The following ATP2B3 variants were observed in gnomAD, a reference collection of about 807,000 sequenced individuals.
ATP2B3 encodes plasma membrane calcium-transporting ATPase 3.
A neutral mutation model predicts 70.8 loss-of-function variants in ATP2B3; 12 were observed. That is an observed-to-expected ratio of 0.17 (90% confidence interval 0.11 to 0.27). ATP2B3 has a LOEUF of 0.27. Ranked by LOEUF, ATP2B3 falls within the 10% of genes least tolerant of loss-of-function variation. The probability of loss-of-function intolerance (pLI) is 1.00; values close to 1 mark genes in which losing one functional copy is unlikely to be tolerated. For synonymous variants in ATP2B3, 460 were observed against 497.8 expected (o/e 0.92, Z 1.01); for missense variants, 858 against 1,118.5 (o/e 0.77, Z 3.32).
intron 21 of ATP2B3, chrX:153,574,802 C>A (rs921075425): frequency 1.8e-5 from 6 of 329,373 alleles, no homozygotes; most frequent in Admixed American, 6.2e-5. Context: ...ATGGCGGGCA[C>A]CTCCACTCCA....
chrX:153,540,645 C>T (rs1409046310), intron 3 of ATP2B3, among the ~76,000 whole-genome samples: 4 of 112,962 alleles, frequency 3.5e-5, no homozygotes, highest in Non-Finnish European at 7.5e-5. Flanking sequence ...TGTCCCTGCC[C>T]CCACAGGTTG....
chrX:153,520,757 A>G (rs1461086917), intron 2 of ATP2B3, among the ~76,000 whole-genome samples: 2 of 112,173 alleles, frequency 1.8e-5, no homozygotes, highest in African/African-American at 3.2e-5. Flanking sequence ...CTGTGCTTGT[A>G]GCCATTAGTT....
At chrX:153,518,580 T>A (rs1556996918) in intron 2 of ATP2B3, among the ~76,000 whole-genome samples, 29 bp downstream of exon 2, 1 of 111,848 alleles carries the variant, frequency 8.9e-6, no homozygotes, top group African/African-American at 3.2e-5. Flanking sequence ...CCTGAGACGA[T>A]GGGCTTCTCT....
chrX:153,557,066 G>T, intron 16 of ATP2B3, 43 bp downstream of exon 16: 2 of 1,087,907 alleles, frequency 1.8e-6, no homozygotes, highest in South Asian at 4.0e-5. Context: ...GGCAGATGGG[G>T]CCTGCATCTG....
At chrX:153,560,632 T>G (rs782082105) in intron 18 of ATP2B3, 44 bp from the exon 19 acceptor site, 3 of 1,186,406 alleles carry the variant, frequency 2.5e-6, no homozygotes, top group Admixed American at 4.4e-5. Flanking sequence ...TAATGCGTCA[T>G]GCGCTGAGAT....
chrX:153,573,177 T>C (rs189544598), intron 21 of ATP2B3, among the ~76,000 whole-genome samples: 35 of 112,474 alleles, frequency 3.1e-4, no homozygotes, highest in African/African-American at 1.1e-3. Flanking sequence ...TTCCAGTTAA[T>C]CATGCTGGAA....
intron 2 of ATP2B3, among the ~76,000 whole-genome samples, chrX:153,520,935 G>C (rs1250761724): frequency 8.9e-6 from 1 of 112,734 alleles, no homozygotes; most frequent in Non-Finnish European, 1.9e-5. Context: ...TACCCACTGA[G>C]AGAAATGGAC....
chrX:153,535,050 A>G (rs140372802), intron 2 of ATP2B3, among the ~76,000 whole-genome samples: 2,784 of 112,705 alleles, frequency 0.025, 92 homozygotes, highest in African/African-American at 0.085. Flanking sequence ...ATGTGCACTG[A>G]GGCCATTTCA....
intron 10 of ATP2B3, 78 bp from the exon 11 acceptor site, chrX:153,549,409 AGAGTCACGCG>A (rs1557010300): frequency 1.7e-6 from 2 of 1,185,562 alleles, no homozygotes; most frequent in Non-Finnish European, 2.3e-6. Flanking sequence ...TGAGCAGAAC[AGAGTCACGCG>A]ATGTTTGTGT....
chrX:153,556,442 T>C, intron 15 of ATP2B3, 24 bp downstream of exon 15: 1 of 1,180,007 alleles, frequency 8.5e-7, no homozygotes, highest in Non-Finnish European at 1.1e-6. Context: ...CACACCCCTT[T>C]CCTGGGGTGG....
intron 3 of ATP2B3, 129 bp from the exon 4 acceptor site, chrX:153,541,230 C>A: frequency 1.3e-6 from 1 of 797,231 alleles, no homozygotes; most frequent in Non-Finnish European, 1.8e-6. Context: ...CAGGCGCTGG[C>A]CAGACGGCCC....
chrX:153,555,578 C>T (rs1296690946), intron 13 of ATP2B3, among the ~76,000 whole-genome samples: 1 of 111,806 alleles, frequency 8.9e-6, no homozygotes, highest in African/African-American at 3.3e-5. Context: ...CTTCCCTGTC[C>T]CCCCACCACT....
At chrX:153,557,168 C>A in intron 16 of ATP2B3, 145 bp downstream of exon 16, 1 of 584,597 alleles carries the variant, frequency 1.7e-6, no homozygotes, top group Non-Finnish European at 2.7e-6. Context: ...ACATCCTGGC[C>A]ACTTGGGCCT....
chrX:153,553,365 G>A, intron 13 of ATP2B3, 96 bp downstream of exon 13: 1 of 748,124 alleles, frequency 1.3e-6, no homozygotes. Flanking sequence ...ACACACAGCT[G>A]CTGCGGTCCC....
At chrX:153,522,133 G>A (rs2089967402) in intron 2 of ATP2B3, among the ~76,000 whole-genome samples, 1 of 112,650 alleles carries the variant, frequency 8.9e-6, no homozygotes, top group Admixed American at 9.3e-5. Context: ...GGCTTGAACG[G>A]GTCGTTCCTC....
intron 7 of ATP2B3, among the ~76,000 whole-genome samples, chrX:153,544,622 G>A (rs1391203630): frequency 4.5e-5 from 5 of 111,357 alleles, no homozygotes; most frequent in African/African-American, 6.5e-5. Context: ...CTCCCTGCTC[G>A]CCCTCCCCGT....
intron 2 of ATP2B3, among the ~76,000 whole-genome samples, chrX:153,522,148 T>A (rs1373500804): frequency 8.9e-6 from 1 of 112,679 alleles, no homozygotes; most frequent in Non-Finnish European, 1.9e-5. Flanking sequence ...TTCCTCAGAA[T>A]GGATGAGTGC....
Position 153,541,309 on chromosome X carries a change from G to T in ATP2B3, c.209-50G>T, listed in dbSNP as rs782312883. 6 of 1,198,821 alleles carry T rather than the reference G, an allele frequency of 5.0e-6. No homozygotes were observed. In the African/African-American group the frequency reaches 8.7e-5, roughly 17 times the overall value. On this transcript the variant is annotated intron_variant, in intron 3 of 21. Coordinates refer to ENST00000263519, the MANE Select transcript of ATP2B3 (RefSeq NM_001001344.3). ...TAGGAGGCCTGGGACACACAAGGCCGACCCGTCCCATCCCATCCTCCCCTT... is the reference window on the plus strand; with the variant it reads ...TAGGAGGCCTGGGACACACAAGGCCTACCCGTCCCATCCCATCCTCCCCTT...
chrX:153,521,155 G>A lies in ATP2B3; in HGVS notation c.-127+2604G>A, dbSNP rs191013157. 5.2e-3 allele frequency among the ~76,000 whole-genome samples: 592 copies of A among 113,126 alleles called. 3 individuals are homozygous for A. Among genetic ancestry groups the A allele is most frequent in the Middle Eastern group, 0.014 (3 of 218 alleles). On this transcript the variant is annotated intron_variant, in intron 2 of 21. Coordinates refer to ENST00000263519, the MANE Select transcript of ATP2B3 (RefSeq NM_001001344.3). ...GCTCCCCAGCAACGCCCCGGGCTGG[G>A]TATGCCAGGCAGAGACCTGGAGCAT... is the stretch of plus-strand genomic sequence containing the variant.
Sources: allele counts gnomAD v4.1 joint callset (sites outside exome capture counted in the v4.1 genomes callset), GRCh38; gene constraint gnomAD v4.1.1; transcripts MANE v1.5; gene names NCBI Gene and HGNC (gene_info 2026-07-23, HGNC 2026-07-21).